The following ZFAND3 variants were observed in gnomAD, a reference collection of about 807,000 sequenced individuals.
ZFAND3 encodes the protein AN1-type zinc finger protein 3.
Under a neutral mutation model 29.6 loss-of-function variants are expected in ZFAND3, and 10 were observed. The ratio of observed to expected loss-of-function variants is 0.34; its 90% CI spans 0.21 to 0.57. The LOEUF is 0.57. Ranked by LOEUF, ZFAND3 falls within the 20% of genes least tolerant of loss-of-function variation. The pLI, the probability that ZFAND3 is intolerant of heterozygous loss-of-function variation, is 0.86. For missense variants in ZFAND3, 230 were observed against 304.5 expected (o/e 0.76, Z 1.82); for synonymous variants, 128 against 112.6 (o/e 1.14, Z -0.87).
At position 38,152,284 on chromosome 6, in the gene ZFAND3, A is replaced by G. The variant is rs75226624; in HGVS notation, c.579A>G (p.Thr193=). The change falls in exon 6 of 6, where the codon ACA becomes ACG. Residue 193 remains threonine, a synonymous_variant. Coordinates refer to ENST00000287218, the MANE Select transcript of ZFAND3 (RefSeq NM_021943.3). ...LHRLPEQHDC[T]FDHMGRGREE... is the part of the protein sequence containing the mutation. ...GCCTCCCCGAGCAGCACGACTGCAC[A>G]TTCGACCACATGGGCCGTGGCCGGG... 5,418 of 1,605,994 alleles carry G rather than the reference A, an allele frequency of 3.4e-3. 44 individuals carry two copies. The highest frequency in any genetic ancestry group is 0.014 in the South Asian group (1,232 of 89,876).
chr6:37,985,652 T>G (rs918927230), intron 2 of ZFAND3, among the ~76,000 whole-genome samples: 2 of 152,124 alleles, frequency 1.3e-5, no homozygotes, highest in Non-Finnish European at 2.9e-5. Flanking sequence ...TGCTCTCCAG[T>G]GTGGTGACAC....
chr6:37,850,973 T>C (rs1764269331), intron 1 of ZFAND3, among the ~76,000 whole-genome samples: 1 of 151,740 alleles, frequency 6.6e-6, no homozygotes, highest in South Asian at 2.1e-4. Context: ...TTATCTGTCT[T>C]GTCTCTCCCT....
chr6:37,954,233 A>AT (rs36082849), intron 2 of ZFAND3, among the ~76,000 whole-genome samples: 1 of 151,844 alleles, frequency 6.6e-6, no homozygotes, highest in African/African-American at 2.4e-5. Flanking sequence ...GTTCATTGAG[A>AT]TTTTTTGGAC....
chr6:37,823,327 C>T (rs1763700705), intron 1 of ZFAND3, among the ~76,000 whole-genome samples: 1 of 152,172 alleles, frequency 6.6e-6, no homozygotes, highest in South Asian at 2.1e-4. Context: ...GCTTTGCACT[C>T]CTTGGAAGCT....
At chr6:37,958,397 T>C (rs1762137489) in intron 2 of ZFAND3, among the ~76,000 whole-genome samples, 1 of 145,434 alleles carries the variant, frequency 6.9e-6, no homozygotes, top group South Asian at 2.1e-4. Flanking sequence ...GAGGTTACAG[T>C]GAGCTGAGAT....
At chr6:37,980,702 C>T (rs868455994) in intron 2 of ZFAND3, among the ~76,000 whole-genome samples, 2 of 152,092 alleles carry the variant, frequency 1.3e-5, no homozygotes, top group Middle Eastern at 3.2e-3. Context: ...CAAGAATATA[C>T]AGTGATACAA....
chr6:37,970,436 A>G (rs17581755), intron 2 of ZFAND3, among the ~76,000 whole-genome samples: 9,736 of 152,260 alleles, frequency 0.064, 423 homozygotes, highest in Non-Finnish European at 0.092. Context: ...GAGAGGCCAG[A>G]GGAGCCCATT....
chr6:37,905,608 G>A (rs1032429824), intron 1 of ZFAND3, among the ~76,000 whole-genome samples: 3 of 152,096 alleles, frequency 2.0e-5, no homozygotes, highest in African/African-American at 7.2e-5. Flanking sequence ...GACATTTTGC[G>A]GAAGGTGTTT....
chr6:37,992,811 T>A (rs1762782786), intron 2 of ZFAND3, among the ~76,000 whole-genome samples: 1 of 152,146 alleles, frequency 6.6e-6, no homozygotes, highest in Non-Finnish European at 1.5e-5. Context: ...CTTTGACAAA[T>A]TTTGGTTTGT....
intron 2 of ZFAND3, among the ~76,000 whole-genome samples, chr6:37,931,980 C>G (rs771157803): frequency 1.3e-5 from 2 of 152,054 alleles, no homozygotes; most frequent in Non-Finnish European, 2.9e-5. Context: ...TGTTAAAGGA[C>G]TGTATTCAGG....
chr6:37,833,000 C>T (rs942629996), intron 1 of ZFAND3: 1 of 152,144 alleles, frequency 6.6e-6, no homozygotes, highest in Non-Finnish European at 1.5e-5. Context: ...GAGTTTTGAC[C>T]TGCTCCATTT....
chr6:37,974,402 C>T (rs67888481), intron 2 of ZFAND3, among the ~76,000 whole-genome samples: 401 of 30,730 alleles, frequency 0.013, 8 homozygotes, highest in African/African-American at 0.051. Context: ...CTCTCTCTCT[C>T]TTTTTTTTTT....
intron 2 of ZFAND3, among the ~76,000 whole-genome samples, chr6:38,038,852 C>T (rs1014136277): frequency 7.2e-5 from 11 of 152,152 alleles, no homozygotes; most frequent in African/African-American, 2.7e-4. Flanking sequence ...ATATAAGCGG[C>T]TTGGGGCAGC....
rs528708484 is a variant in ZFAND3 at position 38,070,557 on chromosome 6, T to C, written c.295+8782T>C. Among the ~76,000 whole-genome samples the C allele has an allele frequency of 7.2e-5, 11 of 152,308 alleles. No individual in the cohort carries two copies. The South Asian group carries it at 2.3e-3, about 32-fold the overall frequency. ...TCTGCCTTACTCCTGCATAATATTC[T>C]ATATTGCCCTTACTATCCTTTTCTC... is the stretch of plus-strand genomic sequence containing the variant. On this transcript the variant is annotated intron_variant, in intron 3 of 5. Transcript: ENST00000287218.
At chr6:37,896,196 T>TC (rs1368542541) in intron 1 of ZFAND3, among the ~76,000 whole-genome samples, 37 of 152,180 alleles carry the variant, frequency 2.4e-4, no homozygotes, top group Non-Finnish European at 2.9e-5. Context: ...TTTTACAGTA[T>TC]CCTTTTTTTC....
At chr6:38,055,243 C>T (rs1764111212) in intron 2 of ZFAND3, among the ~76,000 whole-genome samples, 1 of 152,138 alleles carries the variant, frequency 6.6e-6, no homozygotes, top group Middle Eastern at 3.4e-3. Context: ...TGTGAAATAC[C>T]AAACTAAAGC....
At chr6:38,107,989 G>C (rs1035978083) in intron 4 of ZFAND3, among the ~76,000 whole-genome samples, 2 of 151,702 alleles carry the variant, frequency 1.3e-5, no homozygotes, top group African/African-American at 4.8e-5. Flanking sequence ...GGGACATACT[G>C]TTCTAAATTA....
Position 37,869,862 on chromosome 6 carries a change from A to G in ZFAND3, c.71+49846A>G, listed in dbSNP as rs372972183. On this transcript the variant is annotated intron_variant, in intron 1 of 5. Transcript: ENST00000287218. ...AAAAAATTAACTCTTGCCTTTGTTC[A>G]TTTTCTCTATTGTTTTTGTTTGCCC... Among the ~76,000 whole-genome samples the G allele has an allele frequency of 3.4e-5, 5 of 148,390 alleles. No individual in the cohort carries two copies. In the South Asian group the frequency reaches 8.6e-4, roughly 25 times the overall value.
At chr6:37,885,409 T>G (rs1302600436) in intron 1 of ZFAND3, among the ~76,000 whole-genome samples, 1 of 152,134 alleles carries the variant, frequency 6.6e-6, no homozygotes, top group Non-Finnish European at 1.5e-5. Context: ...TCTGGGGGGC[T>G]GTGGAGGGCA....
Sources: allele counts gnomAD v4.1 joint callset (sites outside exome capture counted in the v4.1 genomes callset), GRCh38; gene constraint gnomAD v4.1.1; transcripts MANE v1.5; gene names NCBI Gene and HGNC (gene_info 2026-07-23, HGNC 2026-07-21).